CFAP58: variants seen among roughly 807,000 people sequenced by gnomAD.
CFAP58 encodes the protein cilia- and flagella-associated protein 58.
Under a neutral mutation model 119.5 loss-of-function variants are expected in CFAP58, and 88 were observed. That is an observed-to-expected ratio of 0.74 (90% CI 0.62 to 0.88). CFAP58 has a LOEUF of 0.88. Ranked by LOEUF, CFAP58 falls within the 40% of genes least tolerant of loss-of-function variation. The probability of loss-of-function intolerance (pLI) is 0.00; values close to 1 mark genes in which losing one functional copy is unlikely to be tolerated. For missense variants in CFAP58, 990 were observed against 1,021.2 expected (o/e 0.97, Z 0.42); for synonymous variants, 365 against 366.3 (o/e 1.00, Z 0.04).
intron 7 of CFAP58, among the ~76,000 whole-genome samples, chr10:104,372,151 G>A (rs1454901414): frequency 3.9e-5 from 6 of 152,090 alleles, no homozygotes; most frequent in African/African-American, 1.2e-4. Context: ...TCAGGAGTTC[G>A]AGATCAGCCT....
At chr10:104,419,923 A>G (rs2012628191) in intron 15 of CFAP58, among the ~76,000 whole-genome samples, 1 of 152,328 alleles carries the variant, frequency 6.6e-6, no homozygotes, top group East Asian at 1.9e-4. Flanking sequence ...GAGGAAATAT[A>G]TAGGTCAAAG....
chr10:104,417,688 C>T (rs1208205301), intron 15 of CFAP58, among the ~76,000 whole-genome samples: 3 of 152,150 alleles, frequency 2.0e-5, no homozygotes, highest in African/African-American at 7.2e-5. Flanking sequence ...CAGCTCACAT[C>T]GATTGAATGC....
chr10:104,414,462 A>C (rs969515369), intron 15 of CFAP58, among the ~76,000 whole-genome samples: 1 of 152,064 alleles, frequency 6.6e-6, no homozygotes, highest in African/African-American at 2.4e-5. Context: ...TCAAAAGGGA[A>C]AGAGGGAGGG....
rs138589655 is a variant in CFAP58 at position 104,400,427 on chromosome 10, A to G, written c.1816-253A>G. On this transcript the variant is annotated intron_variant, in intron 12 of 17. Transcript: ENST00000369704. ...CTCCCAAAGTGCTGGGATTACATGC[A>G]TGAGCCACTGTACCCAGCCTTGGAC... Among the ~76,000 whole-genome samples the G allele has an allele frequency of 3.7e-3, 564 of 152,260 alleles. 2 individuals are homozygous for G. The highest frequency in any genetic ancestry group is 4.0e-3 in the Non-Finnish European group (275 of 68,014).
At chr10:104,384,452 T>C (rs534013283) in intron 9 of CFAP58, among the ~76,000 whole-genome samples, 1 of 152,144 alleles carries the variant, frequency 6.6e-6, no homozygotes, top group Admixed American at 6.5e-5. Flanking sequence ...CAAGAACGAA[T>C]AAAGAAAAAA....
At chr10:104,418,752 GC>G (rs554464886) in intron 15 of CFAP58, among the ~76,000 whole-genome samples, 42 of 152,232 alleles carry the variant, frequency 2.8e-4, no homozygotes, top group Middle Eastern at 6.8e-3. Context: ...TAATAGCATG[GC>G]CCAGTTGCTG....
At chr10:104,382,065 G>C in intron 9 of CFAP58, 1 of 716,834 alleles carries the variant, frequency 1.4e-6, no homozygotes, top group South Asian at 1.5e-5. Context: ...TCTATGTTTT[G>C]CTCATATAAC....
At chr10:104,339,762 G>C in the CFAP58 span, among the ~76,000 whole-genome samples, 1 of 152,166 alleles carries the variant, frequency 6.6e-6, no homozygotes, top group African/African-American at 2.4e-5. Context: ...TACGTAAGAG[G>C]TTATGGCAGA....
chr10:104,435,767 A>T (rs1394578463), intron 15 of CFAP58, among the ~76,000 whole-genome samples: 1 of 152,218 alleles, frequency 6.6e-6, no homozygotes, highest in Non-Finnish European at 1.5e-5. Context: ...GGCTTCAATT[A>T]TCACTGGTAT....
At chr10:104,450,617 T>TAA (rs2013178874) in intron 17 of CFAP58, among the ~76,000 whole-genome samples, 1 of 152,188 alleles carries the variant, frequency 6.6e-6, no homozygotes, top group Admixed American at 6.5e-5. Flanking sequence ...AGTAAAGCTG[T>TAA]TCTTTCTAAT....
chr10:104,413,751 A>AT (rs67521956), intron 15 of CFAP58, among the ~76,000 whole-genome samples: 4,852 of 140,218 alleles, frequency 0.035, 275 homozygotes, highest in African/African-American at 0.12. Context: ...ATCATCATCA[A>AT]GATGGCATTT....
At chr10:104,429,571 T>C (rs2012809574) in intron 15 of CFAP58, among the ~76,000 whole-genome samples, 1 of 152,200 alleles carries the variant, frequency 6.6e-6, no homozygotes. Flanking sequence ...ACTTCTGAAA[T>C]TGATGTGTAT....
At chr10:104,431,155 TAATC>T (rs1396422658) in intron 15 of CFAP58, among the ~76,000 whole-genome samples, 1 of 152,222 alleles carries the variant, frequency 6.6e-6, no homozygotes, top group African/African-American at 2.4e-5. Context: ...TCAGTTACAT[TAATC>T]ATTCATTCGT....
At chr10:104,419,898 AC>A (rs2012627814) in intron 15 of CFAP58, among the ~76,000 whole-genome samples, 1 of 152,314 alleles carries the variant, frequency 6.6e-6, no homozygotes, top group African/African-American at 2.4e-5. Context: ...CTATGATGGT[AC>A]CTTCAAGATT....
At chr10:104,438,835 T>A (rs533907080) in intron 15 of CFAP58, among the ~76,000 whole-genome samples, 9 of 152,240 alleles carry the variant, frequency 5.9e-5, no homozygotes, top group African/African-American at 2.2e-4. Context: ...AGAATGTTCA[T>A]AAAAACAAAA....
intron 15 of CFAP58, among the ~76,000 whole-genome samples, chr10:104,414,739 G>A (rs1164714912): frequency 1.3e-5 from 2 of 151,856 alleles, no homozygotes; most frequent in Non-Finnish European, 2.9e-5. Context: ...GCGCAATCTC[G>A]GCTCACTGCA....
rs2014779882 is a variant in CFAP58, at chr10:104,368,420, CA to C, written c.793-2del. The stretch of plus-strand genomic sequence containing the variant: ...ATTAACCAGCTCATTCCATCCCTTT[CA>C]GATATTGAATGAGAGAGCTGCAAAG... On this transcript the variant is annotated splice_acceptor_variant, in intron 5 of 17. Coordinates refer to ENST00000369704, the MANE Select transcript of CFAP58 (RefSeq NM_001008723.2). LOFTEE classifies it high-confidence loss of function. The C allele has an allele frequency of 6.2e-7, 1 of 1,613,492 alleles. No homozygotes were observed. The highest frequency in any genetic ancestry group is 1.7e-5 in the Admixed American group (1 of 59,978).
chr10:104,361,963 T>C, intron 2 of CFAP58, 60 bp from the exon 3 acceptor site: 1 of 1,519,298 alleles, frequency 6.6e-7, no homozygotes, highest in Non-Finnish European at 9.0e-7. Context: ...TGTTTGCTGG[T>C]TTATCTTGCA....
chr10:104,429,220 A>G (rs1413628936), intron 15 of CFAP58, among the ~76,000 whole-genome samples: 3 of 152,128 alleles, frequency 2.0e-5, no homozygotes, highest in Admixed American at 2.0e-4. Flanking sequence ...ACTCAGAAGC[A>G]TTTGACTCTG....
Sources: allele counts gnomAD v4.1 joint callset (sites outside exome capture counted in the v4.1 genomes callset), GRCh38; gene constraint gnomAD v4.1.1; transcripts MANE v1.5; gene names NCBI Gene and HGNC (gene_info 2026-07-23, HGNC 2026-07-21).